ZNF385B: variants seen among roughly 807,000 people sequenced by gnomAD.
The protein encoded by ZNF385B is zinc finger protein 533.
Under a neutral mutation model 39.2 loss-of-function variants are expected in ZNF385B, and 23 were observed. The ratio of observed to expected loss-of-function variants is 0.59; its 90% CI spans 0.42 to 0.83. The LOEUF (loss-of-function observed/expected upper bound fraction) is 0.83, where lower values mean the gene tolerates loss of function less well. Ranked by LOEUF, ZNF385B falls within the 40% of genes least tolerant of loss-of-function variation. The probability of loss-of-function intolerance (pLI) is 0.00; values close to 1 mark genes in which losing one functional copy is unlikely to be tolerated. For synonymous variants in ZNF385B, 205 were observed against 222.6 expected (o/e 0.92, Z 0.70); for missense variants, 552 against 598.9 (o/e 0.92, Z 0.82).
chr2:179,739,662 C>T (rs538376032), intron 3 of ZNF385B, among the ~76,000 whole-genome samples: 1 of 152,074 alleles, frequency 6.6e-6, no homozygotes, highest in South Asian at 2.1e-4. Context: ...TTGGGTTAAT[C>T]GTATGATCAT....
At chr2:179,662,427 T>C (rs1284254704) in intron 3 of ZNF385B, among the ~76,000 whole-genome samples, 1 of 151,878 alleles carries the variant, frequency 6.6e-6, no homozygotes, top group Non-Finnish European at 1.5e-5. Flanking sequence ...AATACATTTC[T>C]GTTGTTTAAG....
intron 1 of ZNF385B, among the ~76,000 whole-genome samples, chr2:179,844,683 C>T (rs1317850337): frequency 6.6e-6 from 1 of 152,066 alleles, no homozygotes; most frequent in Non-Finnish European, 1.5e-5. Flanking sequence ...ACTGATACTG[C>T]AAAAAGGTTG....
At chr2:179,788,868 G>A (rs1705161292) in intron 1 of ZNF385B, among the ~76,000 whole-genome samples, 1 of 152,158 alleles carries the variant, frequency 6.6e-6, no homozygotes, top group East Asian at 1.9e-4. Context: ...GCAAGTTGGA[G>A]TTGATGTGAA....
At chr2:179,480,020 T>C (rs2053827705) in intron 6 of ZNF385B, among the ~76,000 whole-genome samples, 1 of 152,158 alleles carries the variant, frequency 6.6e-6, no homozygotes, top group African/African-American at 2.4e-5. Flanking sequence ...GCTGCTCAGC[T>C]ACTGATGCTA....
intron 5 of ZNF385B, among the ~76,000 whole-genome samples, chr2:179,508,463 A>G (rs1317597539): frequency 6.6e-6 from 1 of 152,246 alleles, no homozygotes; most frequent in Non-Finnish European, 1.5e-5. Flanking sequence ...TGGCGAGACA[A>G]GTTTTGGCTG....
intron 4 of ZNF385B, among the ~76,000 whole-genome samples, chr2:179,527,314 T>C (rs565829778): frequency 3.5e-4 from 54 of 152,336 alleles, no homozygotes; most frequent in South Asian, 2.7e-3. Context: ...TTCATTTTTT[T>C]CCTCTGTTTT....
intron 3 of ZNF385B, among the ~76,000 whole-genome samples, chr2:179,720,867 C>T (rs1013562438): frequency 2.6e-5 from 4 of 151,114 alleles, no homozygotes; most frequent in African/African-American, 9.7e-5. Flanking sequence ...TCAAGTGATA[C>T]TCCTGCCTCA....
intron 3 of ZNF385B, among the ~76,000 whole-genome samples, chr2:179,689,807 G>A (rs946010774): frequency 7.0e-5 from 9 of 127,696 alleles, no homozygotes; most frequent in Non-Finnish European, 1.4e-4. Flanking sequence ...GTGTGTGTGT[G>A]TGTGTGTGTG....
chr2:179,754,246 C>G (rs1278375983), intron 3 of ZNF385B, among the ~76,000 whole-genome samples: 2 of 152,128 alleles, frequency 1.3e-5, no homozygotes, highest in African/African-American at 4.8e-5. Flanking sequence ...TATTGATTTG[C>G]ATATGTTGAA....
intron 5 of ZNF385B, among the ~76,000 whole-genome samples, chr2:179,516,542 AT>A (rs1214866624): frequency 2.0e-5 from 3 of 151,974 alleles, no homozygotes; most frequent in Admixed American, 6.6e-5. Context: ...CATGTTGAGC[AT>A]TTTTTTATGT....
chr2:179,812,022 C>T (rs1230445067), intron 1 of ZNF385B, among the ~76,000 whole-genome samples: 1 of 151,906 alleles, frequency 6.6e-6, no homozygotes, highest in African/African-American at 2.4e-5. Context: ...TACAAGTGGC[C>T]AATAAACTAT....
chr2:179,784,505 C>A (rs190323992), intron 1 of ZNF385B, among the ~76,000 whole-genome samples: 2 of 152,156 alleles, frequency 1.3e-5, no homozygotes, highest in East Asian at 3.9e-4. Flanking sequence ...GTTGCTTCAT[C>A]TGAATACACC....
Position 179,477,235 on chromosome 2 carries a change from A to G in ZNF385B, c.715+6037T>C, listed in dbSNP as rs1367817921. Among the ~76,000 whole-genome samples the G allele has an allele frequency of 2.0e-5, 3 of 152,176 alleles. No homozygotes were observed. The East Asian group carries it at 5.8e-4, about 29-fold the overall frequency. On this transcript the variant is annotated intron_variant, in intron 6 of 9. Transcript: ENST00000410066. Reference sequence around the variant, plus strand: ...GAGGCGAGGGTCTCCATTTGTATCTATGGTGGAAAAACCTTAGACAAAATT... The same window carrying G: ...GAGGCGAGGGTCTCCATTTGTATCTGTGGTGGAAAAACCTTAGACAAAATT...
intron 3 of ZNF385B, among the ~76,000 whole-genome samples, chr2:179,553,745 A>G (rs2060725411): frequency 6.7e-6 from 1 of 149,496 alleles, no homozygotes; most frequent in South Asian, 2.1e-4. Context: ...GCTTCAACAA[A>G]GCTTAAAGCG....
chr2:179,812,264 G>A (rs752237596), intron 1 of ZNF385B, among the ~76,000 whole-genome samples: 21 of 152,026 alleles, frequency 1.4e-4, no homozygotes, highest in African/African-American at 4.1e-4. Flanking sequence ...CAGAACTACC[G>A]TTTAACCCAG....
intron 5 of ZNF385B, among the ~76,000 whole-genome samples, chr2:179,493,555 GCA>G (rs1244905125): frequency 2.1e-5 from 3 of 142,006 alleles, no homozygotes; most frequent in Admixed American, 6.9e-5. Context: ...ACGTGTACAT[GCA>G]CATATATGCG....
At chr2:179,666,762 T>G (rs17770666) in intron 3 of ZNF385B, among the ~76,000 whole-genome samples, 63 of 152,122 alleles carry the variant, frequency 4.1e-4, no homozygotes, top group South Asian at 4.1e-4. Flanking sequence ...CTTGCTCTCA[T>G]GGAACTTATG....
At chr2:179,630,607 C>T (rs1012438391) in intron 3 of ZNF385B, among the ~76,000 whole-genome samples, 2 of 152,186 alleles carry the variant, frequency 1.3e-5, no homozygotes, top group Non-Finnish European at 2.9e-5. Flanking sequence ...ATCAGAGTGC[C>T]TCTTATCCTC....
At chr2:179,462,774 C>G (rs1009802380) in intron 6 of ZNF385B, among the ~76,000 whole-genome samples, 2 of 152,058 alleles carry the variant, frequency 1.3e-5, no homozygotes, top group Non-Finnish European at 2.9e-5. Flanking sequence ...GAAGAAAAGG[C>G]CAACATTGCA....
Sources: allele counts gnomAD v4.1 joint callset (sites outside exome capture counted in the v4.1 genomes callset), GRCh38; gene constraint gnomAD v4.1.1; transcripts MANE v1.5; gene names NCBI Gene and HGNC (gene_info 2026-07-23, HGNC 2026-07-21).